ZNF429: variants seen among roughly 807,000 people sequenced by gnomAD.
ZNF429 encodes zinc finger protein 429.
Under a neutral mutation model 56.8 loss-of-function variants are expected in ZNF429, and 53 were observed. The ratio of observed to expected loss-of-function variants is 0.93; its 90% CI spans 0.75 to 1.17. The LOEUF (loss-of-function observed/expected upper bound fraction) is 1.17, where lower values mean the gene tolerates loss of function less well. Among genes scored for constraint, ZNF429 ranks in the 50% most tolerant of loss-of-function variants. ZNF429 has a pLI of 0.00. For missense variants in ZNF429, 849 were observed against 788.4 expected (o/e 1.08, Z -0.92); for synonymous variants, 278 against 264.7 (o/e 1.05, Z -0.49).
intron 1 of ZNF429, among the ~76,000 whole-genome samples, chr19:21,510,484 T>G (rs2032398827): frequency 2.0e-5 from 3 of 152,224 alleles, no homozygotes; most frequent in African/African-American, 7.2e-5. Context: ...GGAAGCATGT[T>G]TATTAAGAAA....
rs1420174112 is a variant in ZNF429 at position 21,537,740 on chromosome 19, A to G, written c.1687A>G (p.Lys563Glu). ...TQHKKIHTGEKPYKCKQCDKA... is the reference protein window; with the variant it reads ...TQHKKIHTGEEPYKCKQCDKA... ...ACATAAGAAAATTCATACTGGAGAG[A>G]AACCCTACAAATGTAAACAATGTGA... is the stretch of plus-strand genomic sequence containing the variant. The change falls in exon 4 of 4, where the codon AAA (lysine) becomes GAA (glutamate). Residue 563 changes from lysine to glutamate, a missense_variant. Transcript: ENST00000358491. 1.2e-6 allele frequency: 2 copies of G among 1,613,944 alleles called. No individual in the cohort carries two copies. The highest frequency in any genetic ancestry group is 1.7e-6 in the Non-Finnish European group (2 of 1,180,004).
intron 1 of ZNF429, among the ~76,000 whole-genome samples, chr19:21,520,310 T>C (rs1355202159): frequency 6.6e-6 from 1 of 152,248 alleles, no homozygotes; most frequent in Non-Finnish European, 1.5e-5. Context: ...TTCAGGGACA[T>C]GTCCAGAGAC....
At chr19:21,511,507 C>T (rs2032470442) in intron 1 of ZNF429, among the ~76,000 whole-genome samples, 1 of 152,134 alleles carries the variant, frequency 6.6e-6, no homozygotes, top group Non-Finnish European at 1.5e-5. Flanking sequence ...CTCCTCACTT[C>T]CTAGATGGGA....
intron 1 of ZNF429, among the ~76,000 whole-genome samples, chr19:21,519,625 A>G (rs2032909682): frequency 6.6e-6 from 1 of 152,146 alleles, no homozygotes; most frequent in Non-Finnish European, 1.5e-5. Context: ...CCTCTTTAGA[A>G]GTGTATGTAA....
chr19:21,528,687 A>G lies in ZNF429; in HGVS notation c.4-971A>G, dbSNP rs11880290. ...GCCATTCCACTCCAGCCTGGGGGAC[A>G]GAGTGAGACTCCGTCTCAAAAAAAA... On this transcript the variant is annotated intron_variant, in intron 1 of 3. Coordinates refer to ENST00000358491, the MANE Select transcript of ZNF429 (RefSeq NM_001001415.4). 9.9e-3 allele frequency among the ~76,000 whole-genome samples: 1,511 copies of G among 152,240 alleles called. 25 individuals are homozygous for G. Among genetic ancestry groups the G allele is most frequent in the African/African-American group, 0.034 (1,414 of 41,532 alleles).
In ZNF429 at chr19:21,539,030, T is replaced by C. The variant is rs2033827920; in HGVS notation, c.*952T>C. On this transcript the variant is annotated 3_prime_UTR_variant, in exon 4 of 4. Coordinates refer to ENST00000358491, the MANE Select transcript of ZNF429 (RefSeq NM_001001415.4). ...ATCAGAAATTTATATTGGAGAAAAA[T>C]CCAGCAAGTGTAATAAATTTGGAAA... Among the ~76,000 whole-genome samples, 1 of 152,116 alleles carries C rather than the reference T, an allele frequency of 6.6e-6. No individual in the cohort carries two copies. Among genetic ancestry groups the C allele is most frequent in the Non-Finnish European group, 1.5e-5 (1 of 68,018 alleles).
In ZNF429 at chr19:21,537,559, T is replaced by G. The variant is rs566306821; in HGVS notation, c.1506T>G (p.Ile502Met). ...QSSNLNSHKK[I>M]HSGEKPYKCE... ...CAAACCTTAACAGTCATAAAAAAAT[T>G]CATAGTGGAGAGAAACCCTACAAAT... Residue 502 changes from isoleucine (I) to methionine (M), a missense_variant, in exon 4 of 4, where the codon ATT becomes ATG. Physicochemically the swap from Ile to Met is conservative, Grantham distance 10. Coordinates refer to ENST00000358491, the MANE Select transcript of ZNF429 (RefSeq NM_001001415.4). The G allele has an allele frequency of 1.4e-5, 22 of 1,613,438 alleles. No individual in the cohort carries two copies. The East Asian group carries it at 4.9e-4, about 36-fold the overall frequency.
rs200587037 is a variant in ZNF429, at chr19:21,505,785, C to G, written c.3+11C>G. ...GGAAGCCTAGAAATGGTGAGAGTGC[C>G]GAGTCTGACATCCCCAGAGAGGGGG... On this transcript the variant is annotated intron_variant, in intron 1 of 3. Coordinates refer to ENST00000358491, the MANE Select transcript of ZNF429 (RefSeq NM_001001415.4). 2.5e-6 allele frequency: 4 copies of G among 1,611,156 alleles called. No individual in the cohort carries two copies. Among genetic ancestry groups the G allele is most frequent in the Non-Finnish European group, 3.4e-6 (4 of 1,178,234 alleles).
Position 21,537,370 on chromosome 19 carries a change from A to G in ZNF429, c.1317A>G (p.Thr439=). The G allele has an allele frequency of 1.9e-6, 3 of 1,613,014 alleles. No homozygotes were observed. Among genetic ancestry groups the G allele is most frequent in the Non-Finnish European group, 2.5e-6 (3 of 1,179,646 alleles). ...GCAAAGTTTTTACCTATTCCTCTAC[A>G]CTTACTAGACATAAGAGAATTCATA... ...ECGKVFTYSS[T]LTRHKRIHTE... The change falls in exon 4 of 4, where the codon ACA becomes ACG. Residue 439 remains threonine (T), a synonymous_variant. Transcript: ENST00000358491.
chr19:21,536,556 C>G lies in ZNF429; in HGVS notation c.503C>G (p.Thr168Ser). 6.2e-7 allele frequency: 1 copy of G among 1,613,566 alleles called. No homozygotes were observed. Among genetic ancestry groups the G allele is most frequent in the South Asian group, 1.1e-5 (1 of 91,054 alleles). The change falls in exon 4 of 4, where the codon ACT becomes AGT. Residue 168 changes from threonine to serine, a missense_variant. By Grantham distance (58) the Thr-to-Ser change is moderately conservative. Coordinates refer to ENST00000358491, the MANE Select transcript of ZNF429 (RefSeq NM_001001415.4). ...SNADRYKTRH[T>S]GKKPFQCKKC... ...GCAGATAGATACAAGACAAGACATA[C>G]TGGAAAGAAACCTTTCCAGTGTAAA...
intron 3 of ZNF429, among the ~76,000 whole-genome samples, chr19:21,535,327 C>CTTTCTTTCTTTCTTTCTTTCTTTCTT: frequency 3.4e-5 from 4 of 116,300 alleles, no homozygotes; most frequent in East Asian, 2.2e-4. Flanking sequence ...TTCTTTCTTT[C>CTTTCTTTCTTTCTTTCTTTCTTTCTT]TCTTTTCTTT....
intron 3 of ZNF429, among the ~76,000 whole-genome samples, chr19:21,532,291 A>T: frequency 6.6e-6 from 1 of 152,032 alleles, no homozygotes; most frequent in Non-Finnish European, 1.5e-5. Flanking sequence ...ACATGAAACT[A>T]CAATAAACTT....
chr19:21,509,574 T>C (rs190182786), intron 1 of ZNF429, among the ~76,000 whole-genome samples: 62 of 152,302 alleles, frequency 4.1e-4, no homozygotes, highest in African/African-American at 1.5e-3. Flanking sequence ...TAGTTCTTTC[T>C]GGGGAGCCTC....
At chr19:21,526,156 A>T (rs1036766035) in intron 1 of ZNF429, among the ~76,000 whole-genome samples, 2 of 151,944 alleles carry the variant, frequency 1.3e-5, no homozygotes, top group African/African-American at 4.8e-5. Context: ...TTAATCTGTT[A>T]TGAAAAGAGA....
intron 1 of ZNF429, among the ~76,000 whole-genome samples, chr19:21,524,737 A>G (rs941964449): frequency 2.6e-5 from 4 of 152,168 alleles, no homozygotes; most frequent in African/African-American, 9.7e-5. Flanking sequence ...TTAGCTAGGT[A>G]TATTTCAGAC....
chr19:21,520,432 G>A (rs533416139), intron 1 of ZNF429, among the ~76,000 whole-genome samples: 14 of 152,214 alleles, frequency 9.2e-5, no homozygotes, highest in African/African-American at 3.4e-4. Context: ...ATTATATGTA[G>A]ATATTTTTCT....
At chr19:21,533,161 G>A in intron 3 of ZNF429, among the ~76,000 whole-genome samples, 1 of 152,018 alleles carries the variant, frequency 6.6e-6, no homozygotes, top group Non-Finnish European at 1.5e-5. Flanking sequence ...TGGATGTGAG[G>A]TGATTTTGGT....
chr19:21,528,475 TG>T (rs1438878648), intron 1 of ZNF429, among the ~76,000 whole-genome samples: 1 of 152,016 alleles, frequency 6.6e-6, no homozygotes, highest in Non-Finnish European at 1.5e-5. Flanking sequence ...GAGGCCGTGG[TG>T]GGTGGATAAC....
intron 1 of ZNF429, among the ~76,000 whole-genome samples, chr19:21,523,099 A>G (rs571884692): frequency 3.9e-5 from 6 of 152,256 alleles, no homozygotes; most frequent in Middle Eastern, 3.4e-3. Context: ...CCAAGAAACC[A>G]AATCAGAGTA....
Sources: allele counts gnomAD v4.1 joint callset (sites outside exome capture counted in the v4.1 genomes callset), GRCh38; gene constraint gnomAD v4.1.1; transcripts MANE v1.5; gene names NCBI Gene and HGNC (gene_info 2026-07-23, HGNC 2026-07-21).